Variants in INPP5A observed in about 807,000 individuals in gnomAD.
INPP5A encodes the protein inositol polyphosphate-5-phosphatase A.
A neutral mutation model predicts 65.2 loss-of-function variants in INPP5A; 14 were observed. That is an observed-to-expected ratio of 0.21 (90% CI 0.14 to 0.34). The LOEUF is 0.34. Among genes scored for constraint, INPP5A ranks in the 10% least tolerant of loss-of-function variants. The pLI is 1.00. For synonymous variants in INPP5A, 207 were observed against 208.3 expected (o/e 0.99, Z 0.05); for missense variants, 431 against 545.6 (o/e 0.79, Z 2.09).
chr10:132,553,184 G>A (rs1357530566), intron 1 of INPP5A, among the ~76,000 whole-genome samples: 1 of 93,504 alleles, frequency 1.1e-5, no homozygotes, highest in African/African-American at 4.4e-5. Flanking sequence ...TGGCATATTG[G>A]GTAGGATAGG....
chr10:132,653,611 G>T (rs1023648465), intron 4 of INPP5A, among the ~76,000 whole-genome samples: 1 of 152,132 alleles, frequency 6.6e-6, no homozygotes, highest in African/African-American at 2.4e-5. Flanking sequence ...GGATACAAAC[G>T]CATTCTCTTA....
At chr10:132,681,514 T>G (rs1380270767) in intron 4 of INPP5A, among the ~76,000 whole-genome samples, 1 of 152,136 alleles carries the variant, frequency 6.6e-6, no homozygotes, top group Non-Finnish European at 1.5e-5. Flanking sequence ...CTTTAAGAAC[T>G]GTAACACTCA....
rs1023582323 is a variant in INPP5A at position 132,705,319 on chromosome 10, C to T, written c.475-2994C>T. ...GCAGCACGCAGGGAGCCTGCCACCC[C>T]GCCACCCCGCCATAGAGCTCCCTGG... is the stretch of plus-strand genomic sequence containing the variant. On this transcript the variant is annotated intron_variant, in intron 6 of 15. Transcript: ENST00000368594. The surrounding 1 kb of genome is among the most constrained non-coding windows in gnomAD (Gnocchi z 4.9). Among the ~76,000 whole-genome samples the T allele has an allele frequency of 4.6e-5, 7 of 152,220 alleles. No homozygotes were observed. Among genetic ancestry groups the T allele is most frequent in the Non-Finnish European group, 5.9e-5 (4 of 68,020 alleles).
In INPP5A at chr10:132,651,276, G is replaced by A. The variant is rs562271654; in HGVS notation, c.306+771G>A. Among the ~76,000 whole-genome samples the A allele has an allele frequency of 6.7e-5, 9 of 134,162 alleles. No individual in the cohort carries two copies. The highest frequency in any genetic ancestry group is 2.2e-4 in the Admixed American group (3 of 13,790). The allele number at this position is 134,162 out of a possible 152,430, so 88.0% of individuals were successfully genotyped here. A position where few individuals can be genotyped will look rare whatever the true frequency, so the allele number is the denominator to read the frequency against. On this transcript the variant is annotated intron_variant, in intron 4 of 15. Transcript: ENST00000368594. This position sits in a 1 kb window ranked among gnomAD's most constrained non-coding sequence, Gnocchi z 5.0. The stretch of plus-strand genomic sequence containing the variant: ...TCTCTGGGGAGGCCCTGGGTCCCCC[G>A]GCCTGGGTCCATCTCCCCCGTCTCT...
chr10:132,585,701 A>G (rs1366399893), intron 1 of INPP5A, among the ~76,000 whole-genome samples: 1 of 152,208 alleles, frequency 6.6e-6, no homozygotes, highest in African/African-American at 2.4e-5. Context: ...AGCCTCAGAT[A>G]CCACCATCTC....
chr10:132,585,855 G>A (rs917446892), intron 1 of INPP5A, among the ~76,000 whole-genome samples: 2 of 152,196 alleles, frequency 1.3e-5, no homozygotes, highest in African/African-American at 4.8e-5. Context: ...GTCCTTTCGG[G>A]TGTCCACTGC....
intron 1 of INPP5A, among the ~76,000 whole-genome samples, chr10:132,602,433 A>G (rs771844269): frequency 6.6e-5 from 10 of 152,020 alleles, no homozygotes; most frequent in Non-Finnish European, 1.5e-4. Context: ...AGCTGGGACC[A>G]CAGGCATGCA....
intron 9 of INPP5A, among the ~76,000 whole-genome samples, chr10:132,748,517 G>A (rs12770021): frequency 0.17 from 25,213 of 152,236 alleles, 2,555 homozygotes; most frequent in Non-Finnish European, 0.23. Flanking sequence ...GGGGCTCCCC[G>A]TGGCCAGTCC....
At chr10:132,777,284 G>A (rs1483146451) in intron 12 of INPP5A, among the ~76,000 whole-genome samples, 2 of 152,186 alleles carry the variant, frequency 1.3e-5, no homozygotes, top group Non-Finnish European at 2.9e-5. Flanking sequence ...GAGCTGATCC[G>A]GGCCAGGTCA....
Position 132,546,619 on chromosome 10 carries a change from C to G in INPP5A, c.75+8448C>G, listed in dbSNP as rs1375973286. Among the ~76,000 whole-genome samples the G allele has an allele frequency of 6.6e-6, 1 of 152,166 alleles. No homozygotes were observed. The highest frequency in any genetic ancestry group is 2.4e-5 in the African/African-American group (1 of 41,428). ...GGGGCAGCTTTCCCCGGCCCCTTCC[C>G]CGCCTCCTTCCCACTCTGGATTGTC... On this transcript the variant is annotated intron_variant, in intron 1 of 15. Transcript: ENST00000368594. The surrounding 1 kb of genome is among the most constrained non-coding windows in gnomAD (Gnocchi z 5.7).
At chr10:132,591,986 C>T (rs1007953685) in intron 1 of INPP5A, among the ~76,000 whole-genome samples, 1 of 152,134 alleles carries the variant, frequency 6.6e-6, no homozygotes, top group Non-Finnish European at 1.5e-5. Context: ...TTCGAATCCA[C>T]GTCTCATGTG....
intron 1 of INPP5A, among the ~76,000 whole-genome samples, chr10:132,561,197 G>A (rs1399439400): frequency 1.3e-5 from 2 of 148,706 alleles, no homozygotes; most frequent in Non-Finnish European, 3.0e-5. Context: ...GGAATAGCAG[G>A]GACTACAGAC....
Position 132,659,048 on chromosome 10 carries a change from C to T in INPP5A, c.306+8543C>T, listed in dbSNP as rs1013937584. Among the ~76,000 whole-genome samples the T allele has an allele frequency of 3.2e-4, 48 of 152,200 alleles. No homozygotes were observed. The highest frequency in any genetic ancestry group is 9.9e-4 in the African/African-American group (41 of 41,460). ...GGAAGCTGCCAGCCACCAAGGCTAC[C>T]GACCTGGGCCCTGGGGATGAGCAGC... On this transcript the variant is annotated intron_variant, in intron 4 of 15. Coordinates refer to ENST00000368594, the MANE Select transcript of INPP5A (RefSeq NM_005539.5). This position sits in a 1 kb window ranked among gnomAD's most constrained non-coding sequence, Gnocchi z 5.5.
intron 5 of INPP5A, among the ~76,000 whole-genome samples, chr10:132,695,969 G>A (rs1224775854): frequency 6.6e-6 from 1 of 152,146 alleles, no homozygotes; most frequent in Non-Finnish European, 1.5e-5. Context: ...TTAAGAGGCG[G>A]GGCCTTGGGA....
In INPP5A at chr10:132,537,942, G is replaced by T. The variant is rs2070859545; in HGVS notation, c.-155G>T. ...GAGCGCGAGGCCGGAGCCCCGGCCA[G>T]GCCCGGCCGACCCGCCGAGCCCGCG... On this transcript the variant is annotated 5_prime_UTR_variant, in exon 1 of 16. It adds an upstream start codon to the 5' untranslated region. Transcript: ENST00000368594. The T allele has an allele frequency of 6.1e-6, 1 of 163,006 alleles. No individual in the cohort carries two copies. Among genetic ancestry groups the T allele is most frequent in the Non-Finnish European group, 1.3e-5 (1 of 79,168 alleles). 10.1% of individuals were successfully genotyped at this position (163,006 alleles called of 1,614,324 possible). A position where few individuals can be genotyped will look rare whatever the true frequency, so the allele number is the denominator to read the frequency against.
At chr10:132,746,479 G>A (rs1312669532) in intron 9 of INPP5A, among the ~76,000 whole-genome samples, 5 of 152,210 alleles carry the variant, frequency 3.3e-5, no homozygotes, top group Non-Finnish European at 7.3e-5. Context: ...GAATGACTGC[G>A]TTATTTCCTT....
chr10:132,627,596 A>G lies in INPP5A; in HGVS notation c.118-18272A>G, dbSNP rs905461518. 6.6e-6 allele frequency among the ~76,000 whole-genome samples: 1 copy of G among 152,212 alleles called. No individual in the cohort carries two copies. The highest frequency in any genetic ancestry group is 2.4e-5 in the African/African-American group (1 of 41,442). Reference sequence around the variant, plus strand: ...CAACGTGCAGCGGATGACAAGTGAAATGAACGAGGGAGTGAGAGCCGAAAA... The same window carrying G: ...CAACGTGCAGCGGATGACAAGTGAAGTGAACGAGGGAGTGAGAGCCGAAAA... On this transcript the variant is annotated intron_variant, in intron 2 of 15. Coordinates refer to ENST00000368594, the MANE Select transcript of INPP5A (RefSeq NM_005539.5). This position sits in a 1 kb window ranked among gnomAD's most constrained non-coding sequence, Gnocchi z 6.6.
At chr10:132,605,770 A>AG (rs1228548938) in intron 1 of INPP5A, among the ~76,000 whole-genome samples, 2 of 152,110 alleles carry the variant, frequency 1.3e-5, no homozygotes, top group African/African-American at 4.8e-5. Context: ...GAAGGCCTTG[A>AG]GGGCCTTGTC....
intron 8 of INPP5A, among the ~76,000 whole-genome samples, chr10:132,711,431 C>A (rs1427304942): frequency 6.6e-6 from 1 of 152,184 alleles, no homozygotes; most frequent in Non-Finnish European, 1.5e-5. Context: ...GCCAGCATCC[C>A]TGTGGTTGAC....
Sources: allele counts gnomAD v4.1 joint callset (sites outside exome capture counted in the v4.1 genomes callset), GRCh38; gene constraint gnomAD v4.1.1; non-coding constraint Gnocchi (gnomAD v3.1); transcripts MANE v1.5; gene names NCBI Gene and HGNC (gene_info 2026-07-23, HGNC 2026-07-21).